TTC7B: variants seen among roughly 807,000 people sequenced by gnomAD.
TTC7B encodes tetratricopeptide repeat protein 7B.
In TTC7B, 28 loss-of-function variants were observed where a neutral mutation model predicts 106.8. The ratio of observed to expected loss-of-function variants is 0.26; its 90% CI spans 0.19 to 0.36. The LOEUF is 0.36. Among genes scored for constraint, TTC7B ranks in the 10% least tolerant of loss-of-function variants. The pLI, the probability that TTC7B is intolerant of heterozygous loss-of-function variation, is 1.00. For synonymous variants in TTC7B, 405 were observed against 430.6 expected (o/e 0.94, Z 0.74); for missense variants, 862 against 1,076.4 (o/e 0.80, Z 2.79).
chr14:90,597,456 G>A (rs2139826334), intron 17 of TTC7B, among the ~76,000 whole-genome samples: 1 of 152,260 alleles, frequency 6.6e-6, no homozygotes, highest in Non-Finnish European at 1.5e-5. Context: ...TCAGGAGTTT[G>A]AGACCAGCCT....
chr14:90,629,335 T>C (rs1884588834), intron 15 of TTC7B, among the ~76,000 whole-genome samples: 1 of 152,222 alleles, frequency 6.6e-6, no homozygotes. Flanking sequence ...TTGGAATATC[T>C]GATTTTTTTT....
At chr14:90,812,553 G>A (rs534224655) in intron 1 of TTC7B, among the ~76,000 whole-genome samples, 7 of 152,214 alleles carry the variant, frequency 4.6e-5, no homozygotes, top group South Asian at 2.1e-4. Context: ...ACAGGTTCCC[G>A]GTGGTGCCCC....
intron 5 of TTC7B, among the ~76,000 whole-genome samples, chr14:90,722,117 G>A (rs978896379): frequency 1.3e-5 from 2 of 152,172 alleles, no homozygotes; most frequent in African/African-American, 4.8e-5. Flanking sequence ...GTGCCCAGGC[G>A]ACATGTGGCA....
At chr14:90,603,374 A>G (rs1892511320) in intron 17 of TTC7B, 2 of 1,097,888 alleles carry the variant, frequency 1.8e-6, no homozygotes, top group Non-Finnish European at 2.4e-6. Flanking sequence ...AATTAAGACT[A>G]AAAAAGCGAA....
intron 15 of TTC7B, among the ~76,000 whole-genome samples, chr14:90,639,918 AG>A (rs1885099701): frequency 6.6e-6 from 1 of 152,362 alleles, no homozygotes; most frequent in South Asian, 2.1e-4. Flanking sequence ...AAGCAGCATA[AG>A]GACATATTCA....
chr14:90,541,333 G>A lies in TTC7B; in HGVS notation c.*35C>T. ...CCCTGGTGCCCGGCAGGGCCTCTGA[G>A]GCCTGAGCGGCAGGTGAGGCTGGCA... On this transcript the variant is annotated 3_prime_UTR_variant, in exon 20 of 20. Transcript: ENST00000328459. The A allele has an allele frequency of 6.4e-7, 1 of 1,563,192 alleles. No individual in the cohort carries two copies.
Position 90,527,633 on chromosome 14 carries a change from C to T in TTC7B, c.*13735G>A, listed in dbSNP as rs1323364102. ...GGAGTGCAATGGCGCCATCTCGGCT[C>T]ACTGCAAGCTCTGCTTCCCGGGTTC... On this transcript the variant is annotated 3_prime_UTR_variant, in exon 20 of 20. Coordinates refer to ENST00000328459, the MANE Select transcript of TTC7B (RefSeq NM_001010854.2). 1 of 150,512 alleles carries T rather than the reference C, an allele frequency of 6.6e-6. No individual in the cohort carries two copies. The allele number at this position is 150,512 out of a possible 1,614,324, so 9.3% of individuals were successfully genotyped here.
chr14:90,722,116 C>T (rs533303099), intron 5 of TTC7B, among the ~76,000 whole-genome samples: 3 of 152,278 alleles, frequency 2.0e-5, no homozygotes, highest in South Asian at 2.1e-4. Flanking sequence ...AGTGCCCAGG[C>T]GACATGTGGC....
intron 15 of TTC7B, among the ~76,000 whole-genome samples, chr14:90,623,301 C>G (rs1013536955): frequency 6.6e-6 from 1 of 152,156 alleles, no homozygotes. Context: ...TAACGACAAC[C>G]CTGCAAATGA....
Position 90,565,239 on chromosome 14 carries a change from C to T in TTC7B, c.2310+12867G>A, listed in dbSNP as rs538437931. Among the ~76,000 whole-genome samples, 323 of 152,234 alleles carry T rather than the reference C, an allele frequency of 2.1e-3. 1 individual carries two copies. The highest frequency in any genetic ancestry group is 3.8e-3 in the Non-Finnish European group (258 of 68,012). ...CTCCCTATCAGCAATAAGGCTGTTT[C>T]GCTTTCTTATCATTGGAGTATTCAC... On this transcript the variant is annotated intron_variant, in intron 19 of 19. Coordinates refer to ENST00000328459, the MANE Select transcript of TTC7B (RefSeq NM_001010854.2).
chr14:90,765,794 G>C (rs1490929525), intron 3 of TTC7B, among the ~76,000 whole-genome samples: 4 of 152,200 alleles, frequency 2.6e-5, no homozygotes, highest in Admixed American at 2.6e-4. Flanking sequence ...TCTGTGTTCT[G>C]ATCACTGACT....
At chr14:90,720,348 A>T (rs1441761838) in intron 5 of TTC7B, among the ~76,000 whole-genome samples, 1 of 152,206 alleles carries the variant, frequency 6.6e-6, no homozygotes, top group Non-Finnish European at 1.5e-5. Context: ...GGCTATAGTT[A>T]TACATCCAAG....
intron 19 of TTC7B, among the ~76,000 whole-genome samples, chr14:90,551,488 C>T (rs545780594): frequency 6.6e-6 from 1 of 152,282 alleles, no homozygotes; most frequent in South Asian, 2.1e-4. Context: ...TGGCCGTCTG[C>T]ATTCGCTGAA....
chr14:90,796,848 CT>C (rs903746978), intron 1 of TTC7B, among the ~76,000 whole-genome samples: 5 of 145,526 alleles, frequency 3.4e-5, no homozygotes, highest in African/African-American at 9.8e-5. Context: ...ATTTCTTTTT[CT>C]TTTTTTCTTT....
intron 4 of TTC7B, among the ~76,000 whole-genome samples, chr14:90,735,594 C>T (rs944321724): frequency 6.6e-6 from 1 of 152,010 alleles, no homozygotes; most frequent in Non-Finnish European, 1.5e-5. Context: ...TGCAGTGGCT[C>T]ACGCCTGTAA....
At chr14:90,696,112 A>C (rs1430717348) in intron 5 of TTC7B, among the ~76,000 whole-genome samples, 1 of 152,084 alleles carries the variant, frequency 6.6e-6, no homozygotes, top group African/African-American at 2.4e-5. Flanking sequence ...TCCAAACCCC[A>C]CACTGACGAA....
chr14:90,732,301 G>A (rs990644727), intron 4 of TTC7B, among the ~76,000 whole-genome samples: 7 of 152,012 alleles, frequency 4.6e-5, no homozygotes, highest in African/African-American at 9.7e-5. Flanking sequence ...TACATCATCC[G>A]AGCTGCCAGG....
chr14:90,670,570 C>G (rs1886593808), intron 9 of TTC7B, among the ~76,000 whole-genome samples: 1 of 152,204 alleles, frequency 6.6e-6, no homozygotes, highest in Non-Finnish European at 1.5e-5. Flanking sequence ...TTCCTTGTTT[C>G]TCTGAACTAT....
chr14:90,655,362 T>C (rs983911883), intron 11 of TTC7B, among the ~76,000 whole-genome samples: 9 of 152,232 alleles, frequency 5.9e-5, no homozygotes, highest in African/African-American at 9.6e-5. Context: ...GTTGCTTTCA[T>C]ATTTGGTGGG....
Sources: gnomAD v4.1 joint callset for allele counts (sites outside exome capture counted in the v4.1 genomes callset) on GRCh38, gnomAD v4.1.1 for gene constraint, MANE v1.5 for transcripts, NCBI Gene and HGNC (gene_info 2026-07-23, HGNC 2026-07-21) for gene names.